The following AATF variants were observed in gnomAD, a reference collection of about 807,000 sequenced individuals.
AATF encodes apoptosis antagonizing transcription factor.
A neutral mutation model predicts 63.7 loss-of-function variants in AATF; 48 were observed. The observed-to-expected ratio is 0.75, with a 90% CI of 0.60 to 0.96. The LOEUF (loss-of-function observed/expected upper bound fraction) is 0.96. Among genes scored for constraint, AATF ranks in the 40% least tolerant of loss-of-function variants. The pLI is 0.00. For missense variants in AATF, 639 were observed against 685.7 expected (o/e 0.93, Z 0.76); for synonymous variants, 258 against 247.7 (o/e 1.04, Z -0.39).
chr17:36,998,961 C>G (rs1372708780), intron 8 of AATF: 5 of 152,192 alleles, frequency 3.3e-5, no homozygotes, highest in African/African-American at 1.2e-4. Flanking sequence ...AAACATGCCT[C>G]AAGCATTCAT....
chr17:37,011,233 G>A (rs978628110), intron 8 of AATF, among the ~76,000 whole-genome samples: 2 of 152,098 alleles, frequency 1.3e-5, no homozygotes, highest in South Asian at 2.1e-4. Context: ...AAATTAGCCC[G>A]GCGTGGTGGT....
chr17:37,049,841 T>C (rs1013547225), intron 11 of AATF, among the ~76,000 whole-genome samples: 1 of 152,030 alleles, frequency 6.6e-6, no homozygotes, highest in Non-Finnish European at 1.5e-5. Flanking sequence ...GGCATACTGA[T>C]AGATAGAACA....
intron 7 of AATF, among the ~76,000 whole-genome samples, chr17:36,989,911 T>C (rs1281381261): frequency 6.6e-6 from 1 of 152,198 alleles, no homozygotes; most frequent in Non-Finnish European, 1.5e-5. Flanking sequence ...TTCTCTACTC[T>C]GAAAATTTCA....
intron 8 of AATF, among the ~76,000 whole-genome samples, chr17:37,010,820 A>G (rs113048360): frequency 0.12 from 17,523 of 152,218 alleles, 1,270 homozygotes; most frequent in Non-Finnish European, 0.16. Flanking sequence ...GTGAGGGCCC[A>G]CGGAGCATTT....
rs567074813 is a variant in AATF, at chr17:36,974,467, A to G, written c.833-12150A>G. 2.6e-5 allele frequency among the ~76,000 whole-genome samples: 4 copies of G among 152,312 alleles called. No homozygotes were observed. In the East Asian group the frequency reaches 5.8e-4, roughly 22 times the overall value. On this transcript the variant is annotated intron_variant, in intron 4 of 11. Transcript: ENST00000619387. ...TCATTATTAGTAAATCTTTACTCAT[A>G]TGCATACTTACTTTGTTGCATAAAT...
chr17:36,963,631 C>G (rs2070966822), intron 4 of AATF, among the ~76,000 whole-genome samples: 2 of 152,118 alleles, frequency 1.3e-5, no homozygotes, highest in South Asian at 2.1e-4. Context: ...TATACAGAAG[C>G]CTTCAGGAAG....
At chr17:37,056,386 G>A (rs1030185238) in intron 11 of AATF, 2 of 545,966 alleles carry the variant, frequency 3.7e-6, no homozygotes, top group Non-Finnish European at 6.5e-6. Flanking sequence ...GGAGACGGGT[G>A]TCCAGCCGCA....
At chr17:37,034,513 G>T (rs1461079958) in intron 11 of AATF, among the ~76,000 whole-genome samples, 2 of 151,934 alleles carry the variant, frequency 1.3e-5, no homozygotes, top group Non-Finnish European at 2.9e-5. Flanking sequence ...AATACTTTTG[G>T]TTTTCCTAAG....
At chr17:36,950,075 G>A (rs1300792503) in intron 1 of AATF, 139 bp from the exon 2 acceptor site, 4 of 911,236 alleles carry the variant, frequency 4.4e-6, no homozygotes, top group Non-Finnish European at 6.8e-6. Context: ...CTTTGGGAGA[G>A]AGTGAATTTC....
intron 11 of AATF, among the ~76,000 whole-genome samples, chr17:37,041,713 C>T (rs1453986347): frequency 6.6e-6 from 1 of 152,218 alleles, no homozygotes; most frequent in Non-Finnish European, 1.5e-5. Context: ...CCATGTTGGC[C>T]AGGCTGGTCG....
chr17:37,008,175 T>C (rs1211963419), intron 8 of AATF, among the ~76,000 whole-genome samples: 1 of 152,234 alleles, frequency 6.6e-6, no homozygotes, highest in Non-Finnish European at 1.5e-5. Context: ...AAATGGGGTT[T>C]AGGGACTATC....
intron 8 of AATF, among the ~76,000 whole-genome samples, chr17:37,011,068 T>C (rs1378635926): frequency 6.6e-6 from 1 of 152,170 alleles, no homozygotes. Context: ...TTCTCCAGTG[T>C]GCTCAAAAAA....
At chr17:36,966,782 G>A (rs2070995084) in intron 4 of AATF, among the ~76,000 whole-genome samples, 1 of 151,594 alleles carries the variant, frequency 6.6e-6, no homozygotes, top group East Asian at 2.0e-4. Flanking sequence ...GAGGGGAGGA[G>A]GTAGAGATGG....
chr17:37,042,737 C>CTTTTTTTTTTTTTTTT (rs556843023), intron 11 of AATF, among the ~76,000 whole-genome samples: 1 of 137,374 alleles, frequency 7.3e-6, no homozygotes, highest in African/African-American at 2.6e-5. Context: ...TTTTTTCTTT[C>CTTTTTTTTTTTTTTTT]TTTTTTTTTT....
At chr17:36,966,323 G>T (rs1022758230) in intron 4 of AATF, among the ~76,000 whole-genome samples, 5 of 152,072 alleles carry the variant, frequency 3.3e-5, no homozygotes, top group Admixed American at 2.6e-4. Context: ...GGAGTGTAGT[G>T]ATGTGATCAT....
At chr17:36,999,650 A>G (rs1187989276) in intron 8 of AATF, among the ~76,000 whole-genome samples, 1 of 152,230 alleles carries the variant, frequency 6.6e-6, no homozygotes, top group East Asian at 1.9e-4. Flanking sequence ...TGACAAATGC[A>G]GTAGAGAATG....
intron 4 of AATF, among the ~76,000 whole-genome samples, chr17:36,961,288 A>G (rs559188323): frequency 6.6e-6 from 1 of 152,358 alleles, no homozygotes; most frequent in Non-Finnish European, 1.5e-5. Context: ...ATCCTTGTAC[A>G]TACATATTTG....
rs138277979 is a variant in AATF at position 36,956,881 on chromosome 17, G to A, written c.832+2974G>A. 2.6e-5 allele frequency among the ~76,000 whole-genome samples: 4 copies of A among 152,132 alleles called. 1 individual carries two copies. The East Asian group carries it at 5.8e-4, about 22-fold the overall frequency. ...AGTCCCAGCTACTTGGGAGGTTGAG[G>A]CAGGAGAATCACTTGAACCCGGGAG... On this transcript the variant is annotated intron_variant, in intron 4 of 11. Transcript: ENST00000619387.
In AATF at chr17:37,019,053, G is replaced by A. The variant is rs371952317; in HGVS notation, c.1447G>A (p.Asp483Asn). Residue 483 changes from aspartate (D) to asparagine (N), a missense_variant, in exon 9 of 12, where the codon GAT (aspartate) becomes AAT (asparagine). Asp to Asn is a conservative substitution (Grantham distance 23, BLOSUM62 1). Coordinates refer to ENST00000619387, the MANE Select transcript of AATF (RefSeq NM_012138.4). Reference protein sequence around the residue: ...ERKTSSLDPNDQVAMGRQWLA... With the variant: ...ERKTSSLDPNNQVAMGRQWLA... ...GAAGACCAGCTCCTTGGATCCCAAC[G>A]ATCAGGTGGCCATGGGAAGGTAATT... 4.8e-5 allele frequency: 78 copies of A among 1,613,966 alleles called. 2 individuals carry two copies. Among genetic ancestry groups the A allele is most frequent in the South Asian group, 3.6e-4 (33 of 91,080 alleles).
Sources: allele counts gnomAD v4.1 joint callset (sites outside exome capture counted in the v4.1 genomes callset), GRCh38; gene constraint gnomAD v4.1.1; transcripts MANE v1.5; gene names NCBI Gene and HGNC (gene_info 2026-07-23, HGNC 2026-07-21).